Variants in WWOX observed in about 807,000 individuals in gnomAD.
The protein encoded by WWOX is WW domain-containing oxidoreductase.
In WWOX, 69 loss-of-function variants were observed where a neutral mutation model predicts 46.2. The ratio of observed to expected loss-of-function variants is 1.49; its 90% CI spans 1.23 to 1.82. The LOEUF (loss-of-function observed/expected upper bound fraction) is 1.82, where lower values mean the gene tolerates loss of function less well. WWOX is among the 40% of genes most tolerant of loss of function. The pLI is 0.00. For synonymous variants in WWOX, 359 were observed against 202.6 expected, an observed-to-expected ratio of 1.77 and a Z score of -6.56; for missense variants, 919 against 542.6, an observed-to-expected ratio of 1.69 and a Z score of -6.89.
chr16:78,422,963 A>T (rs1381840629), intron 6 of WWOX, among the ~76,000 whole-genome samples: 1 of 149,162 alleles, frequency 6.7e-6, no homozygotes, highest in African/African-American at 2.5e-5. Flanking sequence ...TCTGCTCACT[A>T]CAACCTCTGC....
In WWOX at chr16:78,601,098, C is replaced by G. The variant is rs1336014681; in HGVS notation, c.1056+168346C>G. Among the ~76,000 whole-genome samples the G allele has an allele frequency of 2.6e-5, 4 of 152,290 alleles. No homozygotes were observed. The East Asian group carries it at 7.7e-4, about 29-fold the overall frequency. On this transcript the variant is annotated intron_variant, in intron 8 of 8. Transcript: ENST00000566780. ...GATTTTATGTGTCAGGCCTTCAGGA[C>G]TCAGGGTGTATAAGTGACATGGCTC...
intron 8 of WWOX, among the ~76,000 whole-genome samples, chr16:78,733,496 C>T (rs916821011): frequency 6.6e-6 from 1 of 151,386 alleles, no homozygotes; most frequent in African/African-American, 2.4e-5. Context: ...GCCTGTAATC[C>T]CAGCACTCTG....
At chr16:78,930,312 T>C (rs2045596083) in intron 8 of WWOX, among the ~76,000 whole-genome samples, 2 of 148,238 alleles carry the variant, frequency 1.3e-5, no homozygotes, top group African/African-American at 2.5e-5. Flanking sequence ...CAGGGTCTCC[T>C]CCACACCCAG....
At chr16:78,707,653 C>T (rs1390603465) in intron 8 of WWOX, among the ~76,000 whole-genome samples, 2 of 151,918 alleles carry the variant, frequency 1.3e-5, no homozygotes, top group African/African-American at 2.4e-5. Flanking sequence ...GAGACTAAGG[C>T]GGGTGGATCA....
At chr16:78,850,194 CA>C (rs796778582) in intron 8 of WWOX, among the ~76,000 whole-genome samples, 8 of 151,824 alleles carry the variant, frequency 5.3e-5, no homozygotes, top group African/African-American at 1.9e-4. Flanking sequence ...AAAGAGAAAA[CA>C]ATAAAAAAAT....
chr16:79,171,895 A>G (rs769106331), intron 8 of WWOX, among the ~76,000 whole-genome samples: 2 of 152,208 alleles, frequency 1.3e-5, no homozygotes, highest in Non-Finnish European at 2.9e-5. Flanking sequence ...CTGAAATCCC[A>G]GGAAGCTAAT....
intron 5 of WWOX, among the ~76,000 whole-genome samples, chr16:78,265,656 C>T (rs2079346671): frequency 7.2e-6 from 1 of 138,668 alleles, no homozygotes; most frequent in Admixed American, 7.6e-5. Context: ...CCAGCCTGGG[C>T]AACAAGAGCG....
At chr16:78,717,403 A>T (rs2048589141) in intron 8 of WWOX, among the ~76,000 whole-genome samples, 1 of 152,192 alleles carries the variant, frequency 6.6e-6, no homozygotes, top group African/African-American at 2.4e-5. Context: ...TCATTGACTT[A>T]TAGACTGAGC....
chr16:78,289,249 T>C (rs897041233), intron 5 of WWOX, among the ~76,000 whole-genome samples: 5 of 152,134 alleles, frequency 3.3e-5, no homozygotes, highest in African/African-American at 4.8e-5. Flanking sequence ...TTTTAAGGCG[T>C]TTTTAGTGAA....
chr16:78,910,900 GC>G (rs1252445577), intron 8 of WWOX, among the ~76,000 whole-genome samples: 7 of 151,970 alleles, frequency 4.6e-5, no homozygotes, highest in African/African-American at 1.7e-4. Context: ...CATATCAGAT[GC>G]AAAGTTATGC....
chr16:79,210,702 CTAT>C (rs2051702511), intron 8 of WWOX, among the ~76,000 whole-genome samples: 1 of 151,668 alleles, frequency 6.6e-6, no homozygotes, highest in African/African-American at 2.4e-5. Flanking sequence ...GAACAGCAGC[CTAT>C]TATTTTTAAT....
At chr16:78,183,613 A>C (rs1235614430) in intron 5 of WWOX, among the ~76,000 whole-genome samples, 1 of 152,162 alleles carries the variant, frequency 6.6e-6, no homozygotes. Flanking sequence ...AAATGAGATA[A>C]CAGTGCCTGG....
At chr16:78,663,299 AT>A (rs1171466418) in intron 8 of WWOX, among the ~76,000 whole-genome samples, 8 of 152,136 alleles carry the variant, frequency 5.3e-5, no homozygotes, top group Non-Finnish European at 1.0e-4. Flanking sequence ...GGTTTGTGTT[AT>A]TTCATGTATT....
chr16:78,254,499 C>CTTTT (rs1597405923), intron 5 of WWOX, among the ~76,000 whole-genome samples: 1 of 52,136 alleles, frequency 1.9e-5, no homozygotes, highest in African/African-American at 1.2e-4. Flanking sequence ...TCTTTTCTTT[C>CTTTT]TTGTTTTTTT....
intron 8 of WWOX, among the ~76,000 whole-genome samples, chr16:78,935,344 G>A (rs2045713543): frequency 6.6e-6 from 1 of 152,200 alleles, no homozygotes; most frequent in African/African-American, 2.4e-5. Flanking sequence ...GCAAAGACTT[G>A]GAACCAACTC....
intron 5 of WWOX, among the ~76,000 whole-genome samples, chr16:78,205,457 A>C (rs1009682202): frequency 2.0e-5 from 3 of 151,852 alleles, no homozygotes; most frequent in African/African-American, 7.3e-5. Context: ...TCATCTGCCC[A>C]TCTGCCCACC....
At chr16:78,956,018 TTTTTAGAACTGTTTTAG>T (rs2046159735) in intron 8 of WWOX, among the ~76,000 whole-genome samples, 1 of 152,156 alleles carries the variant, frequency 6.6e-6, no homozygotes, top group African/African-American at 2.4e-5. Flanking sequence ...AAAACTTTTT[TTTTTAGAACTGTTTTAG>T]TTGGGGAGCC....
intron 8 of WWOX, among the ~76,000 whole-genome samples, chr16:79,179,547 G>C (rs2050868360): frequency 6.6e-6 from 1 of 152,200 alleles, no homozygotes; most frequent in Non-Finnish European, 1.5e-5. Context: ...CTAAAATGAA[G>C]GCAACATTCA....
At chr16:79,011,058 G>A (rs2047294557) in intron 8 of WWOX, among the ~76,000 whole-genome samples, 1 of 151,538 alleles carries the variant, frequency 6.6e-6, no homozygotes, top group African/African-American at 2.4e-5. Flanking sequence ...ATAAATATAT[G>A]ATAAGTATAC....
Sources: gnomAD v4.1 joint callset for allele counts (sites outside exome capture counted in the v4.1 genomes callset) on GRCh38, gnomAD v4.1.1 for gene constraint, MANE v1.5 for transcripts, NCBI Gene and HGNC (gene_info 2026-07-23, HGNC 2026-07-21) for gene names.